ADAM19: variants seen among roughly 807,000 people sequenced by gnomAD.
The protein encoded by ADAM19 is disintegrin and metalloproteinase domain-containing protein 19.
Under a neutral mutation model 114.7 loss-of-function variants are expected in ADAM19, and 65 were observed. The ratio of observed to expected loss-of-function variants is 0.57; its 90% CI spans 0.46 to 0.70. The LOEUF (loss-of-function observed/expected upper bound fraction) is 0.70, where lower values mean the gene tolerates loss of function less well. Among genes scored for constraint, ADAM19 ranks in the 30% least tolerant of loss-of-function variants. The pLI, the probability that ADAM19 is intolerant of heterozygous loss-of-function variation, is 0.00. For missense variants in ADAM19, 1,063 were observed against 1,204.7 expected (o/e 0.88, Z 1.74); for synonymous variants, 466 against 460.5 (o/e 1.01, Z -0.15).
intron 3 of ADAM19, among the ~76,000 whole-genome samples, chr5:157,558,023 G>A (rs1433257411): frequency 1.3e-5 from 2 of 152,144 alleles, no homozygotes; most frequent in African/African-American, 4.8e-5. Flanking sequence ...CAGGCATTTG[G>A]GACAACATGG....
rs533742945 is a variant in ADAM19, at chr5:157,561,797, C to T, written c.251+2576G>A. On this transcript the variant is annotated intron_variant, in intron 3 of 22. Coordinates refer to ENST00000257527, the MANE Select transcript of ADAM19 (RefSeq NM_033274.5). ...TGCACAGCACCCATCACCTGACGGACGGTGCACTCACTTGTCTGCTTACTG... is the reference window on the plus strand; with the variant it reads ...TGCACAGCACCCATCACCTGACGGATGGTGCACTCACTTGTCTGCTTACTG... 3.3e-5 allele frequency among the ~76,000 whole-genome samples: 5 copies of T among 152,220 alleles called. No homozygotes were observed. The East Asian group carries it at 9.7e-4, about 29-fold the overall frequency.
chr5:157,526,507 C>G (rs1756466220), intron 5 of ADAM19, among the ~76,000 whole-genome samples: 1 of 152,172 alleles, frequency 6.6e-6, no homozygotes. Flanking sequence ...CAGGCTCAGT[C>G]AGAGACACCT....
rs1757488952 is a variant in ADAM19 at position 157,560,762 on chromosome 5, T to C, written c.251+3611A>G. On this transcript the variant is annotated intron_variant, in intron 3 of 22. Coordinates refer to ENST00000257527, the MANE Select transcript of ADAM19 (RefSeq NM_033274.5). ...CCAGGGTTTGCTCACCAAACAGCAG[T>C]GGATTTTCCTCGTGGGAGGGAAACT... is the stretch of plus-strand genomic sequence containing the variant. Among the ~76,000 whole-genome samples, 5 of 152,366 alleles carry C rather than the reference T, an allele frequency of 3.3e-5. No individual in the cohort carries two copies. In the South Asian group the frequency reaches 1.0e-3, roughly 32 times the overall value.
chr5:157,528,883 C>T (rs1316654891), intron 5 of ADAM19, among the ~76,000 whole-genome samples: 1 of 152,198 alleles, frequency 6.6e-6, no homozygotes, highest in South Asian at 2.1e-4. Flanking sequence ...TTCCCTCCAC[C>T]TGTGTAGGGT....
At chr5:157,574,258 G>A (rs1303330404) in intron 1 of ADAM19, among the ~76,000 whole-genome samples, 1 of 152,176 alleles carries the variant, frequency 6.6e-6, no homozygotes, top group Non-Finnish European at 1.5e-5. Flanking sequence ...ATATTCTACA[G>A]CAAGTGTTCT....
chr5:157,575,533 C>A, intron 1 of ADAM19, 70 bp downstream of exon 1: 1 of 1,225,116 alleles, frequency 8.2e-7, no homozygotes, highest in South Asian at 1.7e-5. Flanking sequence ...TCCCAGCGCT[C>A]CGGACCCGCA....
chr5:157,487,707 T>A (rs1425230193), intron 21 of ADAM19, among the ~76,000 whole-genome samples: 2 of 152,214 alleles, frequency 1.3e-5, no homozygotes, highest in Non-Finnish European at 2.9e-5. Context: ...CAGAGGCACC[T>A]GCCCCTTGGG....
intron 6 of ADAM19, among the ~76,000 whole-genome samples, chr5:157,519,306 T>C (rs1581322812): frequency 6.6e-6 from 1 of 152,182 alleles, no homozygotes; most frequent in African/African-American, 2.4e-5. Context: ...GAAAGCATAC[T>C]TTTTTTCCCC....
At position 157,538,574 on chromosome 5, in the gene ADAM19, T is replaced by C. The variant is rs948528595; in HGVS notation, c.252-583A>G. Among the ~76,000 whole-genome samples the C allele has an allele frequency of 4.6e-5, 7 of 152,238 alleles. No homozygotes were observed. In the East Asian group the frequency reaches 1.2e-3, roughly 25 times the overall value. ...GTTCTTCTGTTCCTGCTACAAGGGT[T>C]CCCTAAGCTTCCGTTGCCTGCCCTT... On this transcript the variant is annotated intron_variant, in intron 3 of 22. Coordinates refer to ENST00000257527, the MANE Select transcript of ADAM19 (RefSeq NM_033274.5).
At position 157,488,252 on chromosome 5, in the gene ADAM19, A is replaced by T; in HGVS notation, c.2550+13T>A. The T allele has an allele frequency of 1.2e-6, 2 of 1,609,118 alleles. No individual in the cohort carries two copies. The highest frequency in any genetic ancestry group is 1.7e-6 in the Non-Finnish European group (2 of 1,175,890). On this transcript the variant is annotated intron_variant, in intron 21 of 22. Transcript: ENST00000257527. The stretch of plus-strand genomic sequence containing the variant: ...CAATGTTCCCAGCCCAAGGTTGCTG[A>T]TTATCCACTTACCTGGGAAACGATG...
At chr5:157,497,499 T>C (rs1459430857) in intron 13 of ADAM19, among the ~76,000 whole-genome samples, 1 of 152,146 alleles carries the variant, frequency 6.6e-6, no homozygotes, top group Non-Finnish European at 1.5e-5. Flanking sequence ...TGATAAAATC[T>C]GTAGGCTTAA....
rs373575238 is a variant in ADAM19 at position 157,543,759 on chromosome 5, T to C, written c.252-5768A>G. Reference sequence around the variant, plus strand: ...AGGTGATACGGTGCAAGTCACAAACTACTCAGCCTCAGTTTCCCTTTCTAT... The same window carrying C: ...AGGTGATACGGTGCAAGTCACAAACCACTCAGCCTCAGTTTCCCTTTCTAT... On this transcript the variant is annotated intron_variant, in intron 3 of 22. Coordinates refer to ENST00000257527, the MANE Select transcript of ADAM19 (RefSeq NM_033274.5). Among the ~76,000 whole-genome samples the C allele has an allele frequency of 2.5e-4, 38 of 152,174 alleles. 3 individuals are homozygous for C. Among genetic ancestry groups the C allele is most frequent in the Admixed American group, 1.7e-3 (26 of 15,282 alleles).
Position 157,506,988 on chromosome 5 carries a change from A to G in ADAM19, c.990+68T>C, listed in dbSNP as rs772983721. 2.7e-4 allele frequency: 350 copies of G among 1,311,684 alleles called. 1 individual carries two copies. In the Middle Eastern group the frequency reaches 2.9e-3, roughly 11 times the overall value. The allele number at this position is 1,311,684 out of a possible 1,614,324, so 81.3% of individuals were successfully genotyped here. A position where few individuals can be genotyped will look rare whatever the true frequency, so the allele number is the denominator to read the frequency against. On this transcript the variant is annotated intron_variant, in intron 10 of 22. Transcript: ENST00000257527. The stretch of plus-strand genomic sequence containing the variant: ...AATAAATATCAACTTATTATTCAAA[A>G]GATGACCTCTGGTCTTGAAAGGCAG...
intron 1 of ADAM19, 114 bp from the exon 2 acceptor site, chr5:157,571,094 A>T: frequency 1.2e-6 from 1 of 834,128 alleles, no homozygotes; most frequent in Non-Finnish European, 1.9e-6. Context: ...GACTTGCTGG[A>T]TTTCAGGCTC....
At chr5:157,509,193 T>G (rs1755836145) in intron 9 of ADAM19, 108 bp downstream of exon 9, 1 of 1,162,318 alleles carries the variant, frequency 8.6e-7, no homozygotes, top group African/African-American at 1.6e-5. Context: ...GGAGTCAGAA[T>G]GGCCTTGTAC....
At chr5:157,538,956 G>A (rs1198561412) in intron 3 of ADAM19, among the ~76,000 whole-genome samples, 1 of 152,108 alleles carries the variant, frequency 6.6e-6, no homozygotes, top group East Asian at 1.9e-4. Flanking sequence ...CCTGAGGTCA[G>A]GAGTTCAAGA....
intron 1 of ADAM19, among the ~76,000 whole-genome samples, chr5:157,573,216 G>A (rs910177740): frequency 6.6e-6 from 1 of 152,186 alleles, no homozygotes; most frequent in African/African-American, 2.4e-5. Context: ...CATAGTACAT[G>A]TTAAGAAAAG....
At chr5:157,498,688 G>GTGTA (rs143445264) in intron 13 of ADAM19, among the ~76,000 whole-genome samples, 3,300 of 143,858 alleles carry the variant, frequency 0.023, 51 homozygotes, top group Non-Finnish European at 0.034. Flanking sequence ...ATGTGTGTAT[G>GTGTA]TATATATATA....
chr5:157,539,590 A>T (rs565533904), intron 3 of ADAM19, among the ~76,000 whole-genome samples: 4 of 150,902 alleles, frequency 2.7e-5, no homozygotes, highest in Admixed American at 1.3e-4. Context: ...GCCTTGGACA[A>T]GAAGAAAAGA....
Sources: gnomAD v4.1 joint callset for allele counts (sites outside exome capture counted in the v4.1 genomes callset) on GRCh38, gnomAD v4.1.1 for gene constraint, MANE v1.5 for transcripts, NCBI Gene and HGNC (gene_info 2026-07-23, HGNC 2026-07-21) for gene names.